Variants in DLC1 observed in about 807,000 individuals in gnomAD.
The protein encoded by DLC1 is DLC1 Rho GTPase activating protein.
In DLC1, 54 loss-of-function variants were observed where a neutral mutation model predicts 140.3. The observed-to-expected ratio is 0.38, with a 90% CI of 0.31 to 0.48. DLC1 has a LOEUF of 0.48. Ranked by LOEUF, DLC1 falls within the 20% of genes least tolerant of loss-of-function variation. The pLI is 0.96. For synonymous variants in DLC1, 986 were observed against 728.1 expected (o/e 1.35, Z -5.70); for missense variants, 2,536 against 1,907.0 (o/e 1.33, Z -6.14).
At chr8:13,204,383 C>T (rs1378961636) in intron 5 of DLC1, among the ~76,000 whole-genome samples, 1 of 152,124 alleles carries the variant, frequency 6.6e-6, no homozygotes, top group East Asian at 1.9e-4. Flanking sequence ...GAACCGCTAT[C>T]ATAGGTGAAG....
chr8:13,105,303 C>G (rs1446837827), intron 7 of DLC1, among the ~76,000 whole-genome samples: 1 of 152,104 alleles, frequency 6.6e-6, no homozygotes, highest in East Asian at 1.9e-4. Flanking sequence ...GGAGGACCCC[C>G]AAAGAATGTA....
intron 5 of DLC1, among the ~76,000 whole-genome samples, chr8:13,207,253 C>T (rs574713879): frequency 1.2e-4 from 19 of 152,026 alleles, no homozygotes; most frequent in African/African-American, 3.1e-4. Context: ...ATGCAATTTC[C>T]GATTTGTTTT....
At chr8:13,466,732 T>C (rs1486073274) in intron 2 of DLC1, among the ~76,000 whole-genome samples, 1 of 152,214 alleles carries the variant, frequency 6.6e-6, no homozygotes, top group Non-Finnish European at 1.5e-5. Flanking sequence ...TAACTGATCT[T>C]CCTGGATACC....
At chr8:13,243,570 G>A (rs1486676679) in intron 5 of DLC1, among the ~76,000 whole-genome samples, 1 of 152,130 alleles carries the variant, frequency 6.6e-6, no homozygotes, top group Non-Finnish European at 1.5e-5. Context: ...GTTAACAATA[G>A]GAACAATGAT....
chr8:13,575,758 C>T (rs1395683432), intron 1 of DLC1, among the ~76,000 whole-genome samples: 1 of 152,170 alleles, frequency 6.6e-6, no homozygotes, highest in African/African-American at 2.4e-5. Flanking sequence ...GTTCACTGAA[C>T]ACCTTGTTTG....
At chr8:13,477,334 G>A (rs1373741556) in intron 2 of DLC1, among the ~76,000 whole-genome samples, 4 of 152,168 alleles carry the variant, frequency 2.6e-5, no homozygotes, top group East Asian at 1.9e-4. Flanking sequence ...AAACAGTTAC[G>A]CGGTAAGTGC....
At chr8:13,579,023 C>A (rs531330022) in intron 1 of DLC1, among the ~76,000 whole-genome samples, 4 of 151,580 alleles carry the variant, frequency 2.6e-5, no homozygotes, top group Admixed American at 2.6e-4. Flanking sequence ...TCCAGAAGCC[C>A]ACAAGCAATC....
chr8:13,291,710 C>G lies in DLC1; in HGVS notation c.1348+13559G>C, dbSNP rs531656762. ...ATAAATAAGGTAAATTCTAGAAAAT[C>G]ACAAAAATATTATGTAGTATTCTCT... On this transcript the variant is annotated intron_variant, in intron 5 of 17. Transcript: ENST00000276297. Among the ~76,000 whole-genome samples the G allele has an allele frequency of 2.6e-5, 4 of 152,130 alleles. No homozygotes were observed. In the South Asian group the frequency reaches 8.3e-4, roughly 32 times the overall value.
upstream of DLC1, among the ~76,000 whole-genome samples, chr8:13,517,878 A>G (rs1286716283): frequency 1.3e-5 from 2 of 152,242 alleles, no homozygotes; most frequent in Non-Finnish European, 2.9e-5. Context: ...AAGCTAGTCC[A>G]TATAAAGCCA....
intron 10 of DLC1, 67 bp downstream of exon 10, chr8:13,098,331 GA>G (rs1252939862): frequency 6.4e-7 from 1 of 1,561,744 alleles, no homozygotes; most frequent in African/African-American, 1.4e-5. Context: ...TTACTGTGGG[GA>G]CAACCTCAAG....
chr8:13,535,235 A>G (rs969876123), intron 1 of DLC1, among the ~76,000 whole-genome samples: 6 of 152,142 alleles, frequency 3.9e-5, no homozygotes, highest in African/African-American at 1.4e-4. Flanking sequence ...TCATGTGTAC[A>G]TCTCTGTGGG....
intron 5 of DLC1, among the ~76,000 whole-genome samples, chr8:13,272,563 A>G (rs1412958600): frequency 1.3e-5 from 2 of 152,178 alleles, no homozygotes; most frequent in South Asian, 4.1e-4. Context: ...CAATACCTTT[A>G]AAAATAGCTT....
At chr8:13,277,211 C>T (rs542447605) in intron 5 of DLC1, among the ~76,000 whole-genome samples, 31 of 152,132 alleles carry the variant, frequency 2.0e-4, no homozygotes, top group Non-Finnish European at 4.1e-4. Flanking sequence ...GCTTGGGAGG[C>T]TGAGAGGGAA....
chr8:13,117,135 T>C (rs1820623529), intron 5 of DLC1, among the ~76,000 whole-genome samples: 2 of 152,216 alleles, frequency 1.3e-5, no homozygotes, highest in South Asian at 2.1e-4. Context: ...GAAAACTATA[T>C]TGCTGGAAAA....
At chr8:13,593,962 C>G (rs557848222) in intron 1 of DLC1, among the ~76,000 whole-genome samples, 1 of 152,132 alleles carries the variant, frequency 6.6e-6, no homozygotes. Flanking sequence ...CCTCTGAAGA[C>G]GAGCCTGGGC....
intron 2 of DLC1, among the ~76,000 whole-genome samples, chr8:13,448,054 G>A (rs1798865258): frequency 6.6e-6 from 1 of 152,170 alleles, no homozygotes; most frequent in African/African-American, 2.4e-5. Context: ...AAATGTTAAT[G>A]ACTTTACTAT....
intron 5 of DLC1, among the ~76,000 whole-genome samples, chr8:13,214,992 G>T (rs1828128047): frequency 6.6e-6 from 1 of 152,070 alleles, no homozygotes; most frequent in African/African-American, 2.4e-5. Flanking sequence ...CACACAATAT[G>T]TGCCTCTTAT....
chr8:13,384,706 A>G (rs289528), intron 4 of DLC1, among the ~76,000 whole-genome samples: 133,824 of 152,178 alleles, frequency 0.88, 58,977 homozygotes, highest in East Asian at 0.98. Context: ...CAGCAGAACC[A>G]TAGACCCGGG....
chr8:13,168,266 T>C (rs1825233063), intron 5 of DLC1, among the ~76,000 whole-genome samples: 1 of 152,290 alleles, frequency 6.6e-6, no homozygotes, highest in East Asian at 1.9e-4. Flanking sequence ...TAAATTTGAT[T>C]ATTGGCTGGA....
Sources: gnomAD v4.1 joint callset for allele counts (sites outside exome capture counted in the v4.1 genomes callset) on GRCh38, gnomAD v4.1.1 for gene constraint, MANE v1.5 for transcripts, NCBI Gene and HGNC (gene_info 2026-07-23, HGNC 2026-07-21) for gene names.